The following SLC25A48 variants were observed in gnomAD, a reference collection of about 807,000 sequenced individuals.
The protein encoded by SLC25A48 is solute carrier family 25 member 48, also known as CTC-321K16.1.
SLC25A48 carries 29 observed loss-of-function variants against 32.2 expected under a neutral mutation model. That is an observed-to-expected ratio of 0.90 (90% CI 0.67 to 1.23). The LOEUF (loss-of-function observed/expected upper bound fraction) is 1.23. SLC25A48 is among the 50% of genes most tolerant of loss of function. The pLI is 0.00. For synonymous variants in SLC25A48, 164 were observed against 172.3 expected (o/e 0.95, Z 0.38); for missense variants, 399 against 422.7 (o/e 0.94, Z 0.49).
chr5:135,597,350 C>T (rs1561751245), intron 1 of SLC25A48, among the ~76,000 whole-genome samples: 1 of 152,092 alleles, frequency 6.6e-6, no homozygotes, highest in Non-Finnish European at 1.5e-5. Context: ...GGGAAGGTTC[C>T]CAGGACAATT....
chr5:135,776,276 G>A (rs1028862641), intron 3 of SLC25A48, among the ~76,000 whole-genome samples: 1 of 148,762 alleles, frequency 6.7e-6, no homozygotes, highest in Non-Finnish European at 1.5e-5. Flanking sequence ...TGGGGGGTGG[G>A]GGGCAGAGAG....
intron 3 of SLC25A48, among the ~76,000 whole-genome samples, chr5:135,739,896 A>G (rs1755461464): frequency 6.6e-6 from 1 of 152,158 alleles, no homozygotes; most frequent in African/African-American, 2.4e-5. Flanking sequence ...CATGCAGCAA[A>G]GACATCAGAA....
intron 1 of SLC25A48, among the ~76,000 whole-genome samples, chr5:135,590,946 C>T (rs1480182752): frequency 6.6e-6 from 1 of 152,256 alleles, no homozygotes; most frequent in Non-Finnish European, 1.5e-5. Flanking sequence ...GTCACCCAGC[C>T]TGTGGGCAGA....
intron 7 of SLC25A48, among the ~76,000 whole-genome samples, chr5:135,880,308 C>T (rs1762373413): frequency 6.6e-6 from 1 of 152,086 alleles, no homozygotes; most frequent in African/African-American, 2.4e-5. Flanking sequence ...TCCCCAGGGA[C>T]CAAGTCTGGC....
At chr5:135,647,676 T>C (rs1037907021) in intron 3 of SLC25A48, among the ~76,000 whole-genome samples, 2 of 152,080 alleles carry the variant, frequency 1.3e-5, no homozygotes, top group East Asian at 1.9e-4. Context: ...GTCTTTGCAT[T>C]GTGCTCATGG....
chr5:135,646,659 TTATATATATA>T (rs34299516), intron 3 of SLC25A48, among the ~76,000 whole-genome samples: 15 of 125,400 alleles, frequency 1.2e-4, no homozygotes, highest in Non-Finnish European at 1.8e-4. Context: ...TAATTTCCCA[TTATATATATA>T]TATATATATA....
intron 3 of SLC25A48, among the ~76,000 whole-genome samples, chr5:135,668,106 A>G (rs1356631062): frequency 6.6e-6 from 1 of 152,214 alleles, no homozygotes; most frequent in Non-Finnish European, 1.5e-5. Context: ...TCACACTCTA[A>G]GATGTCATAA....
intron 1 of SLC25A48, among the ~76,000 whole-genome samples, chr5:135,588,459 T>C (rs1389286865): frequency 6.6e-6 from 1 of 152,212 alleles, no homozygotes; most frequent in African/African-American, 2.4e-5. Flanking sequence ...GTGCCGGGGT[T>C]GCAGGGCTGC....
At chr5:135,877,437 G>C (rs991528716) in intron 6 of SLC25A48, among the ~76,000 whole-genome samples, 1 of 152,116 alleles carries the variant, frequency 6.6e-6, no homozygotes, top group Non-Finnish European at 1.5e-5. Context: ...TGTCCCTGGG[G>C]AATCTGGAGC....
chr5:135,845,266 C>G (rs1233554482), intron 2 of SLC25A48, among the ~76,000 whole-genome samples: 4 of 152,260 alleles, frequency 2.6e-5, no homozygotes, highest in East Asian at 3.8e-4. Flanking sequence ...CTCTGAGTCT[C>G]TGTGTGTCAG....
chr5:135,695,558 G>A (rs548151550), intron 3 of SLC25A48, among the ~76,000 whole-genome samples: 27 of 152,226 alleles, frequency 1.8e-4, no homozygotes, highest in African/African-American at 5.8e-4. Context: ...CACAGGCCTC[G>A]GTGGCCCTTC....
chr5:135,842,301 C>T, intron 1 of SLC25A48, 115 bp from the exon 2 acceptor site: 2 of 1,085,158 alleles, frequency 1.8e-6, no homozygotes, highest in Admixed American at 1.7e-5. Context: ...ACCCACTCCC[C>T]CTACCCCAGC....
intron 1 of SLC25A48, among the ~76,000 whole-genome samples, chr5:135,609,160 A>T (rs1752008024): frequency 6.6e-6 from 1 of 152,162 alleles, no homozygotes; most frequent in South Asian, 2.1e-4. Flanking sequence ...TTGTTTTTCC[A>T]TCTCTAACTT....
At chr5:135,713,830 C>G (rs55871821) in intron 3 of SLC25A48, among the ~76,000 whole-genome samples, 3,478 of 152,302 alleles carry the variant, frequency 0.023, 53 homozygotes, top group Non-Finnish European at 0.031. Flanking sequence ...CTGGGAGCCT[C>G]CCTCCTGCAC....
intron 3 of SLC25A48, among the ~76,000 whole-genome samples, chr5:135,684,335 C>G (rs574013772): frequency 6.6e-6 from 1 of 152,060 alleles, no homozygotes; most frequent in African/African-American, 2.4e-5. Context: ...GTAGAGATAG[C>G]AGGTTAGTTC....
intron 4 of SLC25A48, among the ~76,000 whole-genome samples, chr5:135,865,881 A>G (rs1012700387): frequency 6.6e-6 from 1 of 152,248 alleles, no homozygotes; most frequent in African/African-American, 2.4e-5. Context: ...TAAGGAAGCT[A>G]CTATGGATTA....
At chr5:135,685,441 T>TC (rs1239388511) in intron 3 of SLC25A48, among the ~76,000 whole-genome samples, 1 of 149,878 alleles carries the variant, frequency 6.7e-6, no homozygotes. Flanking sequence ...CTTTTTTTTT[T>TC]TTTTTTTTGA....
rs771356246 is a variant in SLC25A48, at chr5:135,871,901, C to T, written c.679+183C>T. 12 of 1,485,066 alleles carry T rather than the reference C, an allele frequency of 8.1e-6. No homozygotes were observed. In the South Asian group the frequency reaches 1.8e-4, roughly 22 times the overall value. The allele number at this position is 1,485,066 out of a possible 1,614,324, so 92.0% of individuals were successfully genotyped here. A position where few individuals can be genotyped will look rare whatever the true frequency, so the allele number is the denominator to read the frequency against. ...TCTCCCACCTCAGTCTCATCCCTTCCCTATGCAGCTATGAGAATGGCAGTT... is the reference window on the plus strand; with the variant it reads ...TCTCCCACCTCAGTCTCATCCCTTCTCTATGCAGCTATGAGAATGGCAGTT... On this transcript the variant is annotated intron_variant, in intron 5 of 7. Coordinates refer to ENST00000681962, the MANE Select transcript of SLC25A48 (RefSeq NM_001349336.2).
chr5:135,817,139 C>T (rs1338429521), intron 4 of SLC25A48, among the ~76,000 whole-genome samples: 1 of 152,160 alleles, frequency 6.6e-6, no homozygotes, highest in African/African-American at 2.4e-5. Flanking sequence ...CCCCAGGGAA[C>T]ATCTGGCAAA....
Sources: gnomAD v4.1 joint callset for allele counts (sites outside exome capture counted in the v4.1 genomes callset) on GRCh38, gnomAD v4.1.1 for gene constraint, MANE v1.5 for transcripts, NCBI Gene and HGNC (gene_info 2026-07-23, HGNC 2026-07-21) for gene names.